Variants in SLC38A8 observed in about 807,000 individuals in gnomAD.
The protein encoded by SLC38A8 is amino acid transporter SLC38A8.
In SLC38A8, 65 loss-of-function variants were observed where a neutral mutation model predicts 46.0. That is an observed-to-expected ratio of 1.41 (90% CI 1.16 to 1.74). SLC38A8 has a LOEUF of 1.74. Among genes scored for constraint, SLC38A8 ranks in the 40% most tolerant of loss-of-function variants. The pLI, the probability that SLC38A8 is intolerant of heterozygous loss-of-function variation, is 0.00. For missense variants in SLC38A8, 998 were observed against 567.9 expected, an observed-to-expected ratio of 1.76 and a Z score of -7.70; for synonymous variants, 447 against 243.7, an observed-to-expected ratio of 1.83 and a Z score of -7.77.
intron 10 of SLC38A8, among the ~76,000 whole-genome samples, chr16:84,011,683 C>A (rs926358376): frequency 6.6e-6 from 1 of 152,180 alleles, no homozygotes; most frequent in Non-Finnish European, 1.5e-5. Context: ...AAGATACAAC[C>A]TAGATTTAGG....
rs528915048 is a variant in SLC38A8, at chr16:84,015,791, C to T, written c.1162+728G>A. 4.6e-5 allele frequency among the ~76,000 whole-genome samples: 7 copies of T among 152,272 alleles called. 1 individual carries two copies. In the East Asian group the frequency reaches 1.2e-3, roughly 25 times the overall value. On this transcript the variant is annotated intron_variant, in intron 9 of 10. Coordinates refer to ENST00000299709, the MANE Select transcript of SLC38A8 (RefSeq NM_001080442.3). ...CGCAATCTTGGCTCCCTGCAACCTCCGCCTCCCGGGTTCAAGTGATTCTCC... is the reference window on the plus strand; with the variant it reads ...CGCAATCTTGGCTCCCTGCAACCTCTGCCTCCCGGGTTCAAGTGATTCTCC...
At chr16:84,027,093 T>A (rs1385611235) in intron 6 of SLC38A8, among the ~76,000 whole-genome samples, 1 of 152,196 alleles carries the variant, frequency 6.6e-6, no homozygotes, top group African/African-American at 2.4e-5. Context: ...GGCTCACGCC[T>A]GTAATCCCAG....
chr16:84,020,462 T>C (rs1278192708), intron 7 of SLC38A8, among the ~76,000 whole-genome samples: 2 of 152,232 alleles, frequency 1.3e-5, no homozygotes, highest in Non-Finnish European at 2.9e-5. Flanking sequence ...GAACATCTTT[T>C]GAAATCTGGG....
At position 84,016,738 on chromosome 16, in the gene SLC38A8, C is replaced by T. The variant is rs776440806; in HGVS notation, c.954-11G>A. On this transcript the variant is annotated splice_polypyrimidine_tract_variant and intron_variant, in intron 8 of 10. Coordinates refer to ENST00000299709, the MANE Select transcript of SLC38A8 (RefSeq NM_001080442.3). The stretch of plus-strand genomic sequence containing the variant: ...TCCTGCATCACTGACCTGGAGGCCA[C>T]AGCCAACACAGACACATGGGCATCT... 1.4e-5 allele frequency: 22 copies of T among 1,608,850 alleles called. No individual in the cohort carries two copies. The highest frequency in any genetic ancestry group is 1.9e-5 in the Non-Finnish European group (22 of 1,177,798).
intron 3 of SLC38A8, among the ~76,000 whole-genome samples, chr16:84,036,106 T>A (rs954995819): frequency 1.3e-5 from 2 of 152,206 alleles, no homozygotes; most frequent in Non-Finnish European, 2.9e-5. Context: ...TGATGCAAAT[T>A]AAGGTCGAAA....
intron 1 of SLC38A8, 80 bp downstream of exon 1, chr16:84,042,471 T>A: frequency 4.2e-6 from 1 of 236,680 alleles, no homozygotes; most frequent in Non-Finnish European, 8.1e-6. Flanking sequence ...CCATCAATCC[T>A]CTCTCCCCCC....
rs751448566 is a variant in SLC38A8 at position 84,016,628 on chromosome 16, G to A, written c.1053C>T (p.Thr351=). ...CGAGCGTCACGGTGACCCACAGGAT[G>A]GTCAGCGGCATCCGGACCCACAGCC... ...PSGLWVRMPL[T]ILWVTVTLAM... is the part of the protein sequence containing the mutation. Residue 351 remains threonine (T), a synonymous_variant, in exon 9 of 11, where the codon ACC becomes ACT. Coordinates refer to ENST00000299709, the MANE Select transcript of SLC38A8 (RefSeq NM_001080442.3). 17 of 1,613,806 alleles carry A rather than the reference G, an allele frequency of 1.1e-5. No individual in the cohort carries two copies. Among genetic ancestry groups the A allele is most frequent in the Admixed American group, 1.7e-5 (1 of 60,006 alleles).
chr16:84,017,892 G>T (rs1442564378), intron 7 of SLC38A8, among the ~76,000 whole-genome samples: 1 of 152,124 alleles, frequency 6.6e-6, no homozygotes, highest in Non-Finnish European at 1.5e-5. Flanking sequence ...CCCTGGCAGT[G>T]GGAACATGTG....
chr16:84,009,848 G>T lies in SLC38A8; in HGVS notation c.1244C>A (p.Ser415Tyr). 1.9e-6 allele frequency: 3 copies of T among 1,614,094 alleles called. No homozygotes were observed. Among genetic ancestry groups the T allele is most frequent in the Non-Finnish European group, 1.7e-6 (2 of 1,180,016 alleles). ...AAAGATGAAGGTGCCGACCAGCACA[G>T]AGACCACTCCCCAGACCTCCAGGCA... ...KCCLEVWGVV[S>Y]VLVGTFIFGQ... is the part of the protein sequence containing the mutation. Residue 415 changes from serine to tyrosine, a missense_variant, in exon 11 of 11, where the codon TCT (serine) becomes TAT (tyrosine). Ser to Tyr is a moderately radical substitution (Grantham distance 144). Coordinates refer to ENST00000299709, the MANE Select transcript of SLC38A8 (RefSeq NM_001080442.3).
chr16:84,039,570 C>T (rs140008149), intron 2 of SLC38A8, among the ~76,000 whole-genome samples: 37 of 152,142 alleles, frequency 2.4e-4, no homozygotes, highest in Non-Finnish European at 4.9e-4. Flanking sequence ...CACAGTGAAA[C>T]CCCATCTCTA....
chr16:84,011,036 G>A (rs1161694811), intron 10 of SLC38A8, among the ~76,000 whole-genome samples: 4 of 152,168 alleles, frequency 2.6e-5, no homozygotes, highest in African/African-American at 4.8e-5. Context: ...GGCCACCAGA[G>A]ATATTTGTGG....
intron 6 of SLC38A8, among the ~76,000 whole-genome samples, chr16:84,026,300 G>A (rs1301573683): frequency 1.3e-5 from 2 of 152,150 alleles, no homozygotes; most frequent in Admixed American, 6.5e-5. Context: ...CATGATCTTG[G>A]CTCACTGCAA....
chr16:84,029,653 G>A (rs1043818859), intron 5 of SLC38A8, 102 bp from the exon 6 acceptor site: 2 of 1,129,022 alleles, frequency 1.8e-6, no homozygotes, highest in Non-Finnish European at 2.6e-6. Flanking sequence ...AAATGTAACA[G>A]AGCATGGCTG....
At position 84,042,055 on chromosome 16, in the gene SLC38A8, T is replaced by G. The variant is rs1305183508; in HGVS notation, c.103A>C (p.Lys35Gln). ...AGCAGGCCAGCTCCCAGCGCGGACTTCATGAGGATGAAGACAGCGCCCATC... is the reference window on the plus strand; with the variant it reads ...AGCAGGCCAGCTCCCAGCGCGGACTGCATGAGGATGAAGACAGCGCCCATC... ...SSMGAVFILM[K>Q]SALGAGLLNF... The change falls in exon 2 of 11, where the codon AAG (lysine) becomes CAG (glutamine). Residue 35 changes from lysine (K) to glutamine (Q), a missense_variant. Physicochemically the swap from Lys to Gln is moderately conservative, Grantham distance 53. Coordinates refer to ENST00000299709, the MANE Select transcript of SLC38A8 (RefSeq NM_001080442.3). 1 of 1,613,874 alleles carries G rather than the reference T, an allele frequency of 6.2e-7. No homozygotes were observed. The highest frequency in any genetic ancestry group is 1.1e-5 in the South Asian group (1 of 91,054).
intron 2 of SLC38A8, among the ~76,000 whole-genome samples, chr16:84,039,502 T>G (rs1264842781): frequency 6.6e-6 from 1 of 151,984 alleles, no homozygotes; most frequent in Admixed American, 6.6e-5. Context: ...CCCAGCACTT[T>G]GGGAGGCCAA....
chr16:84,027,384 C>A (rs868068646), intron 6 of SLC38A8, among the ~76,000 whole-genome samples: 2 of 149,890 alleles, frequency 1.3e-5, no homozygotes, highest in East Asian at 1.9e-4. Flanking sequence ...AACAAACAAA[C>A]AAACACACAC....
intron 10 of SLC38A8, among the ~76,000 whole-genome samples, chr16:84,012,391 A>C (rs1208096759): frequency 6.6e-6 from 1 of 152,220 alleles, no homozygotes; most frequent in Non-Finnish European, 1.5e-5. Context: ...CAAATGAAGG[A>C]AAGATCCAAA....
chr16:84,016,493 G>A (rs1223449580), intron 9 of SLC38A8, 26 bp downstream of exon 9: 3 of 1,609,538 alleles, frequency 1.9e-6, no homozygotes, highest in African/African-American at 2.7e-5. Context: ...CAAGTGGGCA[G>A]AAAGCCTGGA....
intron 5 of SLC38A8, 149 bp downstream of exon 5, chr16:84,031,717 CT>C: frequency 1.5e-6 from 1 of 682,968 alleles, no homozygotes. Context: ...CCTCCCTTGC[CT>C]TCACCGCATC....
Sources: allele counts gnomAD v4.1 joint callset (sites outside exome capture counted in the v4.1 genomes callset), GRCh38; gene constraint gnomAD v4.1.1; transcripts MANE v1.5; gene names NCBI Gene and HGNC (gene_info 2026-07-23, HGNC 2026-07-21).